The following TAF1 variants were observed in gnomAD, a reference collection of about 807,000 sequenced individuals.
The protein encoded by TAF1 is transcription initiation factor TFIID subunit 1.
Under a neutral mutation model 138.5 loss-of-function variants are expected in TAF1, and 2 were observed. The observed-to-expected ratio is 0.01, with a 90% CI of 0.01 to 0.05. The LOEUF (loss-of-function observed/expected upper bound fraction) is 0.05. TAF1 is among the 10% of genes least tolerant of loss of function. The probability of loss-of-function intolerance (pLI) is 1.00; values close to 1 mark genes in which losing one functional copy is unlikely to be tolerated. For synonymous variants in TAF1, 437 were observed against 503.2 expected (o/e 0.87, Z 1.76); for missense variants, 709 against 1,478.0 (o/e 0.48, Z 8.53).
intron 32 of TAF1, among the ~76,000 whole-genome samples, chrX:71,439,567 C>T (rs761662750): frequency 1.8e-5 from 2 of 111,949 alleles, no homozygotes; most frequent in East Asian, 5.6e-4. Context: ...TTTCATTTCC[C>T]CAGAGATAAC....
At chrX:71,388,432 A>G (rs1602504916) in intron 16 of TAF1, 54 bp downstream of exon 16, 1 of 1,176,534 alleles carries the variant, frequency 8.5e-7, no homozygotes, top group East Asian at 3.0e-5. Context: ...AAGAATTTTG[A>G]TGGCTTTGAG....
intron 24 of TAF1, among the ~76,000 whole-genome samples, chrX:71,399,026 G>C (rs1602539535): frequency 9.1e-6 from 1 of 110,252 alleles, no homozygotes; most frequent in East Asian, 2.9e-4. Flanking sequence ...TGCAGCCTCT[G>C]CCTCCTGGGC....
chrX:71,376,531 G>A (rs762345919), intron 4 of TAF1, among the ~76,000 whole-genome samples: 1 of 109,838 alleles, frequency 9.1e-6, no homozygotes, highest in Non-Finnish European at 1.9e-5. Flanking sequence ...GCCAGCTGTC[G>A]TGGCGCATGA....
chrX:71,464,211 C>T lies in TAF1; in HGVS notation c.*165C>T, dbSNP rs1602767739. The stretch of plus-strand genomic sequence containing the variant: ...GTAAGTAAATGATAATAAATCACCT[C>T]TCCTAATCTTCCTGGGGCAATGTCA... On this transcript the variant is annotated 3_prime_UTR_variant, in exon 38 of 38. Transcript: ENST00000423759. The T allele has an allele frequency of 2.1e-6, 1 of 477,292 alleles. No individual in the cohort carries two copies. Among genetic ancestry groups the T allele is most frequent in the Non-Finnish European group, 3.5e-6 (1 of 286,443 alleles). 39.3% of individuals were successfully genotyped at this position (477,292 alleles called of 1,213,427 possible). A position where few individuals can be genotyped will look rare whatever the true frequency, so the allele number is the denominator to read the frequency against.
At position 71,420,166 on chromosome X, in the gene TAF1, G is replaced by A. The variant is rs893088903; in HGVS notation, c.4385-1143G>A. 17 of 528,584 alleles carry A rather than the reference G, an allele frequency of 3.2e-5. No homozygotes were observed. The Admixed American group carries it at 4.1e-4, about 13-fold the overall frequency. The allele number at this position is 528,584 out of a possible 1,213,427, so 43.6% of individuals were successfully genotyped here. ...CTGCTGTTAAAACCACTGTGGAATC[G>A]AGAGAGGGAACTGCTGTAGTTGGTG... On this transcript the variant is annotated intron_variant, in intron 28 of 37. Transcript: ENST00000423759.
intron 3 of TAF1, among the ~76,000 whole-genome samples, chrX:71,371,297 C>G (rs1245741934): frequency 4.5e-5 from 5 of 111,563 alleles, no homozygotes; most frequent in Admixed American, 9.7e-5. Context: ...GCATTGGCTC[C>G]TTTGCATGGC....
chrX:71,502,391 G>A (rs2039528267), intron 13 of TAF1, among the ~76,000 whole-genome samples: 1 of 110,986 alleles, frequency 9.0e-6, no homozygotes, highest in Non-Finnish European at 1.9e-5. Flanking sequence ...CCTTTAGCTA[G>A]ACACAGAGTG....
chrX:71,397,060 A>G (rs2148407564), intron 22 of TAF1, among the ~76,000 whole-genome samples, 193 bp from the exon 23 acceptor site: 1 of 108,824 alleles, frequency 9.2e-6, no homozygotes, highest in South Asian at 4.0e-4. Flanking sequence ...AAAGTGGGGA[A>G]ATTGGCAGTG....
intron 32 of TAF1, among the ~76,000 whole-genome samples, chrX:71,444,478 A>G (rs746195384): frequency 1.5e-4 from 17 of 111,691 alleles, no homozygotes; most frequent in African/African-American, 5.5e-4. Flanking sequence ...CAGTGCTTTC[A>G]GAGGCCAAGG....
intron 13 of TAF1, 62 bp from the exon 14 acceptor site, chrX:71,384,882 TG>T: frequency 1.2e-6 from 1 of 858,362 alleles, no homozygotes; most frequent in Non-Finnish European, 1.7e-6. Flanking sequence ...TAAAGTGCTA[TG>T]GTCATATTGT....
chrX:71,490,776 G>A, intron 13 of TAF1, among the ~76,000 whole-genome samples: 1 of 105,102 alleles, frequency 9.5e-6, no homozygotes, highest in Middle Eastern at 4.4e-3. Context: ...TCACCAGGCT[G>A]GAATGCAGTG....
At chrX:71,517,641 A>G (rs1057124115) in intron 13 of TAF1, among the ~76,000 whole-genome samples, 3 of 112,206 alleles carry the variant, frequency 2.7e-5, no homozygotes, top group African/African-American at 9.7e-5. Context: ...GTCTGGAAGA[A>G]GACCTTTAGC....
chrX:71,396,892 G>A (rs1442172574), intron 22 of TAF1, among the ~76,000 whole-genome samples: 1 of 108,703 alleles, frequency 9.2e-6, no homozygotes, highest in African/African-American at 3.4e-5. Context: ...GGGTGTGGTG[G>A]TACACGCCTG....
At chrX:71,378,485 A>G (rs773634712) in intron 7 of TAF1, 32 bp downstream of exon 7, 1 of 1,193,742 alleles carries the variant, frequency 8.4e-7, no homozygotes, top group Non-Finnish European at 1.1e-6. Flanking sequence ...GAAAGGAATC[A>G]ATGTACTCAG....
In TAF1 at chrX:71,389,865, T is replaced by G. The variant is rs1013164069; in HGVS notation, c.2781+200T>G. The G allele has an allele frequency of 4.9e-5, 15 of 307,396 alleles. No individual in the cohort carries two copies. The South Asian group carries it at 1.2e-3, about 24-fold the overall frequency. 25.3% of individuals were successfully genotyped at this position (307,396 alleles called of 1,213,427 possible). ...TATATGATATGGGTTTGTTTTTTTT[T>G]GTTTGTTTTGTTTTTTGACAGAATC... On this transcript the variant is annotated intron_variant, in intron 18 of 37. Coordinates refer to ENST00000423759, the MANE Select transcript of TAF1 (RefSeq NM_004606.5).
At chrX:71,444,869 G>A (rs2037611620) in intron 32 of TAF1, among the ~76,000 whole-genome samples, 1 of 110,375 alleles carries the variant, frequency 9.1e-6, no homozygotes, top group South Asian at 3.9e-4. Context: ...GAGTAGCTGG[G>A]ACTACAGTTG....
intron 4 of TAF1, among the ~76,000 whole-genome samples, 192 bp downstream of exon 4, chrX:71,375,478 C>T (rs1285058546): frequency 9.0e-6 from 1 of 111,025 alleles, no homozygotes; most frequent in Non-Finnish European, 1.9e-5. Context: ...AGTATTTTAA[C>T]ATGTGCTCAA....
At chrX:71,460,536 G>A in intron 36 of TAF1, 90 bp from the exon 37 acceptor site, 1 of 1,043,884 alleles carries the variant, frequency 9.6e-7, no homozygotes, top group East Asian at 3.2e-5. Context: ...AGATGTGTGA[G>A]AGTTACTAGT....
chrX:71,446,463 A>G (rs2037702159), intron 32 of TAF1, among the ~76,000 whole-genome samples: 1 of 112,141 alleles, frequency 8.9e-6, no homozygotes, highest in African/African-American at 3.2e-5. Flanking sequence ...TGAAGAAATG[A>G]AACAGCATAG....
Sources: gnomAD v4.1 joint callset for allele counts (sites outside exome capture counted in the v4.1 genomes callset) on GRCh38, gnomAD v4.1.1 for gene constraint, MANE v1.5 for transcripts, NCBI Gene and HGNC (gene_info 2026-07-23, HGNC 2026-07-21) for gene names.